IL15: variants seen among roughly 807,000 people sequenced by gnomAD.
IL15 encodes interleukin-15.
IL15 carries 11 observed loss-of-function variants against 19.6 expected under a neutral mutation model. The observed-to-expected ratio is 0.56, with a 90% confidence interval of 0.35 to 0.93. The LOEUF (loss-of-function observed/expected upper bound fraction) is 0.93. Ranked by LOEUF, IL15 falls within the 40% of genes least tolerant of loss-of-function variation. IL15 has a pLI of 0.01. For synonymous variants in IL15, 58 were observed against 59.6 expected, an observed-to-expected ratio of 0.97 and a Z score of 0.12; for missense variants, 197 against 186.5, an observed-to-expected ratio of 1.06 and a Z score of -0.33.
intron 4 of IL15, 170 bp downstream of exon 4, chr4:141,720,736 C>T (rs941302838): frequency 9.6e-6 from 6 of 624,466 alleles, no homozygotes; most frequent in Non-Finnish European, 1.7e-5. Flanking sequence ...TGGTAAACAC[C>T]TAACTGAGCA....
In IL15 at chr4:141,660,623, G is replaced by A. The variant is rs568746124; in HGVS notation, c.-100+4316G>A. ...GTTATAAAAAAGATTGAAAAGTTGC[G>A]TTCTGGTTTTGCTTGTTTACCAGGA... On this transcript the variant is annotated intron_variant, in intron 2 of 7. Transcript: ENST00000320650. Among the ~76,000 whole-genome samples, 30 of 152,162 alleles carry A rather than the reference G, an allele frequency of 2.0e-4. No individual in the cohort carries two copies. The South Asian group carries it at 5.4e-3, about 27-fold the overall frequency.
intron 2 of IL15, among the ~76,000 whole-genome samples, chr4:141,692,325 G>A (rs780367963): frequency 5.3e-5 from 8 of 152,222 alleles, no homozygotes; most frequent in Non-Finnish European, 1.2e-4. Flanking sequence ...AATGCCTGGA[G>A]ACATTTCCTG....
intron 2 of IL15, among the ~76,000 whole-genome samples, chr4:141,704,915 A>G (rs1294931966): frequency 6.6e-6 from 1 of 151,434 alleles, no homozygotes; most frequent in Admixed American, 6.6e-5. Flanking sequence ...TTTTTGTAGT[A>G]TCAGTTGTTA....
chr4:141,702,223 A>T (rs1729344896), intron 2 of IL15, among the ~76,000 whole-genome samples: 1 of 151,710 alleles, frequency 6.6e-6, no homozygotes, highest in African/African-American at 2.4e-5. Context: ...TGCTGTTCAC[A>T]CTCTTTTGTT....
chr4:141,667,241 A>G (rs1221136114), intron 2 of IL15, among the ~76,000 whole-genome samples: 1 of 152,204 alleles, frequency 6.6e-6, no homozygotes, highest in African/African-American at 2.4e-5. Flanking sequence ...CAGCCTAACA[A>G]ATTAATCAAA....
chr4:141,728,179 G>A (rs865982018), intron 6 of IL15, among the ~76,000 whole-genome samples, 195 bp downstream of exon 6: 2 of 151,984 alleles, frequency 1.3e-5, no homozygotes, highest in Admixed American at 6.6e-5. Context: ...TGCTATTTTT[G>A]TAATGGTGCC....
intron 2 of IL15, among the ~76,000 whole-genome samples, chr4:141,680,866 G>T (rs1394755672): frequency 7.9e-5 from 12 of 152,124 alleles, no homozygotes; most frequent in Non-Finnish European, 1.5e-5. Flanking sequence ...CCTAGGTAGA[G>T]CTCCTCAGAA....
chr4:141,722,973 G>GA (rs1000512741), intron 5 of IL15, among the ~76,000 whole-genome samples: 33 of 150,026 alleles, frequency 2.2e-4, no homozygotes, highest in Admixed American at 4.0e-4. Flanking sequence ...GTTGACTTAA[G>GA]AAAAAAAAAG....
chr4:141,705,964 T>C (rs140623166), intron 2 of IL15, among the ~76,000 whole-genome samples: 1 of 151,914 alleles, frequency 6.6e-6, no homozygotes. Flanking sequence ...GTCTGTGTTA[T>C]GCTTGTTGGC....
chr4:141,669,559 G>A (rs1489771503), intron 2 of IL15, among the ~76,000 whole-genome samples: 2 of 152,024 alleles, frequency 1.3e-5, no homozygotes, highest in African/African-American at 2.4e-5. Flanking sequence ...GCTGCATCAT[G>A]TAGAATTTAG....
At chr4:141,646,703 TTG>T (rs1279435412) in intron 1 of IL15, among the ~76,000 whole-genome samples, 5 of 152,160 alleles carry the variant, frequency 3.3e-5, no homozygotes, top group African/African-American at 1.2e-4. Context: ...TTAGTTCAGC[TTG>T]TGTTTTGTTA....
chr4:141,669,011 T>G (rs370580160), intron 2 of IL15, among the ~76,000 whole-genome samples: 5 of 152,314 alleles, frequency 3.3e-5, no homozygotes, highest in Admixed American at 3.3e-4. Flanking sequence ...ATTTGTCATC[T>G]TAATGGCAAT....
intron 2 of IL15, among the ~76,000 whole-genome samples, chr4:141,675,843 A>T (rs1356256706): frequency 6.6e-6 from 1 of 152,240 alleles, no homozygotes; most frequent in Non-Finnish European, 1.5e-5. Context: ...TTTGTATCTC[A>T]TATCGAAAAT....
chr4:141,669,859 G>T (rs1728111622), intron 2 of IL15, among the ~76,000 whole-genome samples: 1 of 151,246 alleles, frequency 6.6e-6, no homozygotes, highest in South Asian at 2.1e-4. Context: ...ATCTAACTTG[G>T]CTCATGACAG....
At chr4:141,643,250 T>C (rs1313881578) in intron 1 of IL15, among the ~76,000 whole-genome samples, 1 of 152,196 alleles carries the variant, frequency 6.6e-6, no homozygotes, top group Non-Finnish European at 1.5e-5. Context: ...CCCAATACCA[T>C]GTAGCCATGC....
chr4:141,712,970 T>G (rs1258034896), intron 2 of IL15, among the ~76,000 whole-genome samples: 2 of 152,098 alleles, frequency 1.3e-5, no homozygotes, highest in Non-Finnish European at 2.9e-5. Context: ...TTTATAGGCC[T>G]TATAAACATA....
At chr4:141,720,035 C>T (rs2152189550) in intron 3 of IL15, among the ~76,000 whole-genome samples, 1 of 152,092 alleles carries the variant, frequency 6.6e-6, no homozygotes, top group East Asian at 1.9e-4. Flanking sequence ...AATTCATTTT[C>T]ATAATTTACA....
intron 2 of IL15, among the ~76,000 whole-genome samples, chr4:141,698,017 G>T (rs1362047307): frequency 6.6e-6 from 1 of 151,786 alleles, no homozygotes; most frequent in Non-Finnish European, 1.5e-5. Context: ...TCCTTTTTAT[G>T]CCTATTTTGT....
At chr4:141,669,482 A>G (rs1728098854) in intron 2 of IL15, among the ~76,000 whole-genome samples, 1 of 152,176 alleles carries the variant, frequency 6.6e-6, no homozygotes, top group Non-Finnish European at 1.5e-5. Context: ...GATAAAAGAA[A>G]ACAGAGGAGA....
Sources: allele counts gnomAD v4.1 joint callset (sites outside exome capture counted in the v4.1 genomes callset), GRCh38; gene constraint gnomAD v4.1.1; transcripts MANE v1.5; gene names NCBI Gene and HGNC (gene_info 2026-07-23, HGNC 2026-07-21).